DZIP1: variants seen among roughly 807,000 people sequenced by gnomAD.
DZIP1 encodes DAZ interacting zinc finger protein 1.
A neutral mutation model predicts 107.6 loss-of-function variants in DZIP1; 97 were observed. The observed-to-expected ratio is 0.90, with a 90% CI of 0.77 to 1.07. DZIP1 has a LOEUF of 1.07. Among genes scored for constraint, DZIP1 ranks in the 50% least tolerant of loss-of-function variants. The probability of loss-of-function intolerance (pLI) is 0.00; values close to 1 mark genes in which losing one functional copy is unlikely to be tolerated. For missense variants in DZIP1, 1,035 were observed against 1,063.6 expected (o/e 0.97, Z 0.37); for synonymous variants, 390 against 386.4 (o/e 1.01, Z -0.11).
intron 12 of DZIP1, among the ~76,000 whole-genome samples, chr13:95,610,055 AGTGTGTGT>A (rs58398816): frequency 0.032 from 3,460 of 109,242 alleles, 131 homozygotes; most frequent in East Asian, 0.19. Context: ...TGACTGGTTT[AGTGTGTGT>A]GTGTGTGTGT....
At position 95,642,052 on chromosome 13, in the gene DZIP1, C is replaced by T. The variant is rs747303289; in HGVS notation, c.-23G>A. The stretch of plus-strand genomic sequence containing the variant: ...CATAGGAGGAGCCGGGCGGTCTTTA[C>T]CCAGCCTGGGCCGCCTCCCGGGCCG... On this transcript the variant is annotated 5_prime_UTR_variant, in exon 4 of 23. Transcript: ENST00000376829. The T allele has an allele frequency of 3.9e-6, 6 of 1,549,080 alleles. No individual in the cohort carries two copies. The African/African-American group carries it at 5.7e-5, about 15-fold the overall frequency.
chr13:95,610,107 T>TGAGAGAGA lies in DZIP1; in HGVS notation c.1364-595_1364-594insTCTCTCTC, dbSNP rs1435687735. On this transcript the variant is annotated intron_variant, in intron 12 of 22. Coordinates refer to ENST00000376829, the MANE Select transcript of DZIP1 (RefSeq NM_198968.4). Reference sequence around the variant, plus strand: ...GTGTGTGTGTGTGTGTGTGTGTGTGTGTGTGAGAGAGAGACAGAGAGAGAG... The same window carrying TGAGAGAGA: ...GTGTGTGTGTGTGTGTGTGTGTGTGTGAGAGAGAGTGTGAGAGAGAGACAGAGAGAGAG... Among the ~76,000 whole-genome samples the TGAGAGAGA allele has an allele frequency of 3.3e-3, 407 of 122,030 alleles. 16 individuals are homozygous for TGAGAGAGA. The highest frequency in any genetic ancestry group is 0.01 in the African/African-American group (320 of 31,368). 80.1% of individuals were successfully genotyped at this position (122,030 alleles called of 152,430 possible). A position where few individuals can be genotyped will look rare whatever the true frequency, so the allele number is the denominator to read the frequency against.
rs906948092 is a variant in DZIP1 at position 95,612,141 on chromosome 13, T to C, written c.1210A>G (p.Ile404Val). 1 of 1,613,006 alleles carries C rather than the reference T, an allele frequency of 6.2e-7. No homozygotes were observed. Among genetic ancestry groups the C allele is most frequent in the Non-Finnish European group, 8.5e-7 (1 of 1,180,008 alleles). Residue 404 changes from isoleucine (I) to valine (V), a missense_variant, in exon 11 of 23, where the codon ATA becomes GTA. By Grantham distance (29) the Ile-to-Val change is conservative (BLOSUM62 3). Coordinates refer to ENST00000376829, the MANE Select transcript of DZIP1 (RefSeq NM_198968.4). ...SHIEKLRTSMIDDLNASNVFY... is the reference protein window; with the variant it reads ...SHIEKLRTSMVDDLNASNVFY... ...ACATTGCTTGCATTTAGATCATCTA[T>C]CATTGAGGTTCGAAGTTTCTCTATA...
intron 10 of DZIP1, among the ~76,000 whole-genome samples, chr13:95,619,235 G>T (rs1468932459): frequency 6.6e-6 from 1 of 152,206 alleles, no homozygotes; most frequent in Non-Finnish European, 1.5e-5. Flanking sequence ...AGTGAAAAGT[G>T]TACAAACCTA....
chr13:95,620,083 G>T, intron 9 of DZIP1, 136 bp from the exon 10 acceptor site: 3 of 857,066 alleles, frequency 3.5e-6, no homozygotes, highest in African/African-American at 1.7e-5. Flanking sequence ...AAACAGTTTG[G>T]CTCTCGGTCC....
chr13:95,605,086 G>A (rs2044733279), intron 14 of DZIP1, among the ~76,000 whole-genome samples: 1 of 152,114 alleles, frequency 6.6e-6, no homozygotes, highest in South Asian at 2.1e-4. Flanking sequence ...AAAATAAGGT[G>A]CAATAAACAC....
In DZIP1 at chr13:95,579,727, A is replaced by AAGAT. The variant is rs1386423569; in HGVS notation, c.*2503_*2506dup. The AAGAT allele has an allele frequency of 6.6e-6, 1 of 152,248 alleles. No individual in the cohort carries two copies. The highest frequency in any genetic ancestry group is 2.4e-5 in the African/African-American group (1 of 41,474). The allele number at this position is 152,248 out of a possible 1,614,324, so 9.4% of individuals were successfully genotyped here. A position where few individuals can be genotyped will look rare whatever the true frequency, so the allele number is the denominator to read the frequency against. ...AAAAGGAAATGAACAAGTTTGTTAA[A>AAGAT]AGATAAAAAATAAAAAAAATTCCAT... On this transcript the variant is annotated 3_prime_UTR_variant, in exon 23 of 23. Coordinates refer to ENST00000376829, the MANE Select transcript of DZIP1 (RefSeq NM_198968.4).
At chr13:95,635,889 C>T (rs1326446950) in intron 5 of DZIP1, among the ~76,000 whole-genome samples, 3 of 149,778 alleles carry the variant, frequency 2.0e-5, no homozygotes, top group Non-Finnish European at 4.4e-5. Context: ...AGGATGCAAA[C>T]ACACCACCCT....
chr13:95,630,207 C>T (rs1379771941), intron 6 of DZIP1, 94 bp from the exon 7 acceptor site: 6 of 1,412,536 alleles, frequency 4.2e-6, no homozygotes, highest in Admixed American at 2.6e-5. Context: ...ACGAAGGAAA[C>T]TGTCCTCTTA....
chr13:95,600,553 T>TAG (rs943275967), intron 14 of DZIP1, among the ~76,000 whole-genome samples: 11 of 149,820 alleles, frequency 7.3e-5, no homozygotes, highest in Admixed American at 2.7e-4. Flanking sequence ...AGACAAATGA[T>TAG]AGAGAGAGAG....
At chr13:95,604,706 G>GT (rs2139025149) in intron 14 of DZIP1, among the ~76,000 whole-genome samples, 1 of 152,276 alleles carries the variant, frequency 6.6e-6, no homozygotes, top group African/African-American at 2.4e-5. Context: ...GGAACCTTGT[G>GT]TGATGTCATA....
In DZIP1 at chr13:95,633,099, A is replaced by C. The variant is rs1407915946; in HGVS notation, c.685+135T>G. 3 of 801,884 alleles carry C rather than the reference A, an allele frequency of 3.7e-6. No homozygotes were observed. In the Admixed American group the frequency reaches 7.8e-5, roughly 21 times the overall value. 49.7% of individuals were successfully genotyped at this position (801,884 alleles called of 1,614,324 possible). A position where few individuals can be genotyped will look rare whatever the true frequency, so the allele number is the denominator to read the frequency against. On this transcript the variant is annotated intron_variant, in intron 6 of 22. Coordinates refer to ENST00000376829, the MANE Select transcript of DZIP1 (RefSeq NM_198968.4). ...ACTGTATGCACCTCCTGAGGGCTCC[A>C]TATTTACTTACTGAATTGACAGGGA...
chr13:95,634,926 C>T (rs1877612472), intron 5 of DZIP1, among the ~76,000 whole-genome samples: 1 of 152,128 alleles, frequency 6.6e-6, no homozygotes, highest in South Asian at 2.1e-4. Flanking sequence ...CCAAATAAGA[C>T]CCTATCCCTA....
rs536588535 is a variant in DZIP1, at chr13:95,579,956, C to T, written c.*2278G>A. 7.9e-5 allele frequency: 12 copies of T among 152,022 alleles called. No homozygotes were observed. Among genetic ancestry groups the T allele is most frequent in the Admixed American group, 7.9e-4 (12 of 15,256 alleles). 9.4% of individuals were successfully genotyped at this position (152,022 alleles called of 1,614,324 possible). ...GTGGGGGATGAAGGTCTGTTAGTAACCAGAAACACATTAGTTGGGCATCAG... is the reference window on the plus strand; with the variant it reads ...GTGGGGGATGAAGGTCTGTTAGTAATCAGAAACACATTAGTTGGGCATCAG... On this transcript the variant is annotated 3_prime_UTR_variant, in exon 23 of 23. Coordinates refer to ENST00000376829, the MANE Select transcript of DZIP1 (RefSeq NM_198968.4).
At chr13:95,608,136 G>A (rs992419615) in intron 13 of DZIP1, among the ~76,000 whole-genome samples, 3 of 152,266 alleles carry the variant, frequency 2.0e-5, no homozygotes, top group East Asian at 1.9e-4. Context: ...GGAAGGGACC[G>A]CTACCTATGG....
At chr13:95,632,341 G>A (rs1877288155) in intron 6 of DZIP1, among the ~76,000 whole-genome samples, 1 of 151,966 alleles carries the variant, frequency 6.6e-6, no homozygotes, top group African/African-American at 2.4e-5. Flanking sequence ...ATTGCCTCCC[G>A]ACCCTGGCCC....
chr13:95,606,785 G>A (rs1041316157), intron 13 of DZIP1, among the ~76,000 whole-genome samples: 3 of 152,182 alleles, frequency 2.0e-5, no homozygotes, highest in Admixed American at 6.5e-5. Context: ...TTTAGGCACA[G>A]CCTGTGGAAA....
rs1481786202 is a variant in DZIP1 at position 95,630,031 on chromosome 13, C to T, written c.768G>A (p.Glu256=). 13 of 1,613,770 alleles carry T rather than the reference C, an allele frequency of 8.1e-6. 1 individual carries two copies. The highest frequency in any genetic ancestry group is 5.5e-5 in the South Asian group (5 of 91,040). ...LKEELQLTRS[E]LEAAHHASAV... is the part of the protein sequence containing the mutation. Reference sequence around the variant, plus strand: ...CACTGGCATGGTGTGCAGCCTCTAGCTCAGACCTGGTGAGCTGCAGCTCTT... The same window carrying T: ...CACTGGCATGGTGTGCAGCCTCTAGTTCAGACCTGGTGAGCTGCAGCTCTT... Residue 256 remains glutamate, a synonymous_variant, in exon 7 of 23, where the codon GAG becomes GAA. Transcript: ENST00000376829.
At chr13:95,640,852 G>A (rs371601993) in intron 5 of DZIP1, among the ~76,000 whole-genome samples, 12 of 152,092 alleles carry the variant, frequency 7.9e-5, no homozygotes, top group African/African-American at 2.9e-4. Context: ...GGTGAAGGGC[G>A]CATGAAAATT....
Sources: allele counts gnomAD v4.1 joint callset (sites outside exome capture counted in the v4.1 genomes callset), GRCh38; gene constraint gnomAD v4.1.1; transcripts MANE v1.5; gene names NCBI Gene and HGNC (gene_info 2026-07-23, HGNC 2026-07-21).